The following SUPT3H variants were observed in gnomAD, a reference collection of about 807,000 sequenced individuals.
SUPT3H encodes the protein SPT3 homolog, SAGA and STAGA complex component, also known as transcription initiation protein SPT3 homolog.
SUPT3H carries 44 observed loss-of-function variants against 44.3 expected under a neutral mutation model. That is an observed-to-expected ratio of 0.99 (90% CI 0.78 to 1.28). The LOEUF is 1.28. Among genes scored for constraint, SUPT3H ranks in the 50% most tolerant of loss-of-function variants. SUPT3H has a pLI of 0.00. For missense variants in SUPT3H, 380 were observed against 387.1 expected (o/e 0.98, Z 0.15); for synonymous variants, 124 against 125.6 (o/e 0.99, Z 0.09).
intron 2 of SUPT3H, among the ~76,000 whole-genome samples, chr6:45,126,417 A>G (rs1456313263): frequency 6.6e-6 from 1 of 152,250 alleles, no homozygotes; most frequent in Non-Finnish European, 1.5e-5. Context: ...TACACATTTA[A>G]AAAATGAAAT....
At chr6:45,105,685 A>T (rs1799176093) in intron 3 of SUPT3H, among the ~76,000 whole-genome samples, 2 of 152,210 alleles carry the variant, frequency 1.3e-5, no homozygotes, top group African/African-American at 4.8e-5. Context: ...TTTGTTTTAG[A>T]TTATGCAAAT....
intron 2 of SUPT3H, among the ~76,000 whole-genome samples, chr6:45,299,169 C>T (rs1326169732): frequency 1.3e-5 from 2 of 150,236 alleles, no homozygotes; most frequent in Non-Finnish European, 3.0e-5. Context: ...AACATGGTGA[C>T]ACCCCATCTC....
rs1271489988 is a variant in SUPT3H at position 44,831,290 on chromosome 6, G to GT, written c.913-1434dup. ...TCCTCAGTGTTCTTTCTGTGAGCTT[G>GT]TTCTTTACCATGGGGCTTTTTGTGT... On this transcript the variant is annotated intron_variant, in intron 10 of 10. Coordinates refer to ENST00000371459, the MANE Select transcript of SUPT3H (RefSeq NM_003599.4). Among the ~76,000 whole-genome samples the GT allele has an allele frequency of 2.0e-5, 3 of 152,158 alleles. No individual in the cohort carries two copies. The East Asian group carries it at 5.8e-4, about 29-fold the overall frequency.
intron 3 of SUPT3H, among the ~76,000 whole-genome samples, chr6:45,035,743 T>C (rs886098052): frequency 3.9e-5 from 6 of 152,128 alleles, no homozygotes; most frequent in African/African-American, 1.2e-4. Context: ...GTGAAGTAAC[T>C]GTGGGTAGAA....
At chr6:45,159,161 T>C (rs1315525383) in intron 2 of SUPT3H, 1 of 152,196 alleles carries the variant, frequency 6.6e-6, no homozygotes. Flanking sequence ...TCAAGCACAA[T>C]ATCCTATTGA....
At chr6:44,975,110 G>A (rs1358475405) in intron 6 of SUPT3H, among the ~76,000 whole-genome samples, 1 of 152,050 alleles carries the variant, frequency 6.6e-6, no homozygotes, top group Admixed American at 6.6e-5. Flanking sequence ...GGCGGAGGGT[G>A]CAGTGAGCAG....
intron 10 of SUPT3H, among the ~76,000 whole-genome samples, chr6:44,838,592 T>G (rs188457903): frequency 6.6e-6 from 1 of 152,150 alleles, no homozygotes; most frequent in Non-Finnish European, 1.5e-5. Context: ...AATGCCAATC[T>G]ATAGGCTAGT....
At chr6:45,349,000 T>C (rs552324668) in intron 2 of SUPT3H, among the ~76,000 whole-genome samples, 2 of 152,312 alleles carry the variant, frequency 1.3e-5, no homozygotes, top group African/African-American at 4.8e-5. Context: ...TTAGTAAATG[T>C]TGAATAAATG....
At chr6:44,814,680 C>G (rs1003672581) in intron 11 of SUPT3H, among the ~76,000 whole-genome samples, 2 of 151,890 alleles carry the variant, frequency 1.3e-5, no homozygotes, top group African/African-American at 4.8e-5. Flanking sequence ...TTTATTTTTA[C>G]TGTTATTTTT....
intron 2 of SUPT3H, among the ~76,000 whole-genome samples, chr6:45,223,738 C>T (rs1766446408): frequency 6.6e-6 from 1 of 151,478 alleles, no homozygotes; most frequent in African/African-American, 2.4e-5. Context: ...AATTTAACTT[C>T]AAGGATACAT....
intron 2 of SUPT3H, among the ~76,000 whole-genome samples, chr6:45,324,386 G>A (rs1786019984): frequency 6.6e-6 from 1 of 151,958 alleles, no homozygotes; most frequent in Non-Finnish European, 1.5e-5. Flanking sequence ...TCTAACAACT[G>A]AGGCATTACA....
At chr6:45,019,902 T>A (rs1323533070) in intron 4 of SUPT3H, among the ~76,000 whole-genome samples, 1 of 151,946 alleles carries the variant, frequency 6.6e-6, no homozygotes, top group African/African-American at 2.4e-5. Context: ...AAGAGTTGAT[T>A]AACTGAAACA....
At chr6:44,914,470 AG>A (rs1767514535) in intron 10 of SUPT3H, among the ~76,000 whole-genome samples, 1 of 152,216 alleles carries the variant, frequency 6.6e-6, no homozygotes, top group South Asian at 2.1e-4. Context: ...ATTTCAAAAC[AG>A]GTATTACTCA....
At chr6:45,292,363 TAAAACAAAAATACAATTTTAAAAAACA>T (rs1780451018) in intron 2 of SUPT3H, among the ~76,000 whole-genome samples, 1 of 151,802 alleles carries the variant, frequency 6.6e-6, no homozygotes, top group Non-Finnish European at 1.5e-5. Flanking sequence ...ACAGGACCTA[TAAAACAAAAATACAATTTTAAAAAACA>T]AAAACAAAAA....
At chr6:45,337,508 T>C (rs866556637) in intron 2 of SUPT3H, among the ~76,000 whole-genome samples, 1 of 151,840 alleles carries the variant, frequency 6.6e-6, no homozygotes, top group Non-Finnish European at 1.5e-5. Flanking sequence ...CATCTACACA[T>C]AGAAAGCAAC....
At chr6:44,880,193 G>A (rs998339163) in intron 10 of SUPT3H, among the ~76,000 whole-genome samples, 103 of 152,028 alleles carry the variant, frequency 6.8e-4, no homozygotes, top group African/African-American at 2.2e-3. Context: ...AAGGTTAGAG[G>A]AATTGCTGTC....
intron 1 of SUPT3H, among the ~76,000 whole-genome samples, chr6:45,369,328 C>T (rs1458384970): frequency 3.3e-5 from 5 of 152,142 alleles, no homozygotes; most frequent in African/African-American, 1.2e-4. Flanking sequence ...ACTCTACTGA[C>T]CTAAGCCCAT....
chr6:45,094,866 A>G (rs2153565151), intron 3 of SUPT3H, among the ~76,000 whole-genome samples: 1 of 152,264 alleles, frequency 6.6e-6, no homozygotes, highest in South Asian at 2.1e-4. Flanking sequence ...TTAAGAAGTA[A>G]AAATGAAGAA....
At chr6:45,136,930 C>A (rs1018455411) in intron 2 of SUPT3H, among the ~76,000 whole-genome samples, 10 of 152,200 alleles carry the variant, frequency 6.6e-5, no homozygotes, top group African/African-American at 2.4e-4. Context: ...ATCTACACAT[C>A]CAGTCTCAGC....
Sources: gnomAD v4.1 joint callset for allele counts (sites outside exome capture counted in the v4.1 genomes callset) on GRCh38, gnomAD v4.1.1 for gene constraint, MANE v1.5 for transcripts, NCBI Gene and HGNC (gene_info 2026-07-23, HGNC 2026-07-21) for gene names.